NEBL: variants seen among roughly 807,000 people sequenced by gnomAD.
The protein encoded by NEBL is LIM and SH3 protein 2.
A neutral mutation model predicts 140.2 loss-of-function variants in NEBL; 122 were observed. The ratio of observed to expected loss-of-function variants is 0.87; its 90% CI spans 0.75 to 1.01. NEBL has a LOEUF of 1.01. Ranked by LOEUF, NEBL falls within the 50% of genes least tolerant of loss-of-function variation. The probability of loss-of-function intolerance (pLI) is 0.00; values close to 1 mark genes in which losing one functional copy is unlikely to be tolerated. For missense variants in NEBL, 1,365 were observed against 1,231.3 expected (o/e 1.11, Z -1.62); for synonymous variants, 436 against 398.9 (o/e 1.09, Z -1.11).
Position 20,996,910 on chromosome 10 carries a change from G to A in NEBL, c.249+23207C>T, listed in dbSNP as rs1310968636. ...TAAACCCCAGAATACATTTGGAAACGTGTGTGCAATTGATCAATGCCTCGG... is the reference window on the plus strand; with the variant it reads ...TAAACCCCAGAATACATTTGGAAACATGTGTGCAATTGATCAATGCCTCGG... On this transcript the variant is annotated intron_variant, in intron 3 of 6. Coordinates refer to the NEBL transcript ENST00000417816. 5.3e-5 allele frequency among the ~76,000 whole-genome samples: 8 copies of A among 152,072 alleles called. 1 individual carries two copies.
chr10:21,168,692 C>T (rs568127273), intron 2 of NEBL, among the ~76,000 whole-genome samples: 18 of 152,056 alleles, frequency 1.2e-4, no homozygotes, highest in African/African-American at 2.2e-4. Flanking sequence ...GCATGCATGA[C>T]GTAGTTTCTA....
intron 3 of NEBL, among the ~76,000 whole-genome samples, chr10:21,209,414 T>C (rs1378259680): frequency 6.6e-6 from 1 of 152,202 alleles, no homozygotes; most frequent in Non-Finnish European, 1.5e-5. Flanking sequence ...TTGCTAAATC[T>C]GGAAAGTCTA....
At chr10:21,226,515 T>C (rs1295256364) in intron 3 of NEBL, among the ~76,000 whole-genome samples, 1 of 152,212 alleles carries the variant, frequency 6.6e-6, no homozygotes, top group African/African-American at 2.4e-5. Context: ...CAGAGCACTT[T>C]AGCCCATGGT....
chr10:21,043,287 C>A (rs770355570), intron 2 of NEBL, among the ~76,000 whole-genome samples: 1 of 152,212 alleles, frequency 6.6e-6, no homozygotes, highest in East Asian at 1.9e-4. Flanking sequence ...CAACACCAAC[C>A]AGTTGTCATC....
chr10:21,127,253 T>A (rs1341154852), intron 2 of NEBL, among the ~76,000 whole-genome samples: 1 of 152,112 alleles, frequency 6.6e-6, no homozygotes, highest in African/African-American at 2.4e-5. Context: ...CTTTTCAAAC[T>A]ATATTTCAAG....
chr10:21,268,589 T>A (rs1304766939), intron 1 of NEBL, among the ~76,000 whole-genome samples: 1 of 151,290 alleles, frequency 6.6e-6, no homozygotes, highest in Non-Finnish European at 1.5e-5. Context: ...AGTGGTGTGA[T>A]CTCGGCTCAC....
intron 2 of NEBL, among the ~76,000 whole-genome samples, chr10:21,031,105 G>T (rs955456716): frequency 5.3e-5 from 8 of 152,226 alleles, no homozygotes; most frequent in Admixed American, 1.3e-4. Flanking sequence ...GTGGATGTCT[G>T]TCCCATCTGA....
intron 2 of NEBL, among the ~76,000 whole-genome samples, chr10:21,056,382 G>A (rs932399303): frequency 9.4e-5 from 14 of 149,076 alleles, no homozygotes; most frequent in Non-Finnish European, 1.6e-4. Context: ...CTAAATTTGC[G>A]CAAAGTTCCC....
At position 20,786,155 on chromosome 10, in the gene NEBL, G is replaced by C. The variant is rs2765844; in HGVS notation, c.2869-232C>G. ...ATAGAAAAGTCACTAAATACGACAGGTAGCCCATCAAAAAGTAGGCTTTGA... is the reference window on the plus strand; with the variant it reads ...ATAGAAAAGTCACTAAATACGACAGCTAGCCCATCAAAAAGTAGGCTTTGA... On this transcript the variant is annotated intron_variant, in intron 27 of 27. Transcript: ENST00000377122. 0.98 allele frequency among the ~76,000 whole-genome samples: 150,021 copies of C among 152,312 alleles called. 73,984 individuals are homozygous for C. The highest frequency in any genetic ancestry group is 1 in the Middle Eastern group (294 of 294).
At chr10:20,903,897 C>A (rs548460207) in intron 4 of NEBL, among the ~76,000 whole-genome samples, 1 of 150,984 alleles carries the variant, frequency 6.6e-6, no homozygotes, top group South Asian at 2.1e-4. Flanking sequence ...TTAAAATCTA[C>A]GGATTGGGAA....
intron 3 of NEBL, among the ~76,000 whole-genome samples, chr10:20,964,610 C>T (rs1836207101): frequency 6.6e-6 from 1 of 152,144 alleles, no homozygotes; most frequent in South Asian, 2.1e-4. Flanking sequence ...AAACACCTCC[C>T]ATTAGTGCAT....
At chr10:20,896,483 C>CATATATATAGATAT (rs1847490910) in intron 2 of NEBL, among the ~76,000 whole-genome samples, 1 of 88,080 alleles carries the variant, frequency 1.1e-5, no homozygotes, top group Non-Finnish European at 2.3e-5. Flanking sequence ...ATATTATATG[C>CATATATATAGATAT]ATATATATAT....
intron 2 of NEBL, among the ~76,000 whole-genome samples, chr10:20,891,096 AT>A (rs1846990672): frequency 6.6e-6 from 1 of 152,076 alleles, no homozygotes; most frequent in Non-Finnish European, 1.5e-5. Context: ...GTACATGGAG[AT>A]TTTCCCATAT....
intron 1 of NEBL, among the ~76,000 whole-genome samples, chr10:21,266,008 T>C (rs1366741189): frequency 6.6e-6 from 1 of 152,184 alleles, no homozygotes; most frequent in African/African-American, 2.4e-5. Context: ...AAAAATTGCT[T>C]CTAGGAGCAT....
chr10:21,152,275 T>C (rs966767700), intron 2 of NEBL, among the ~76,000 whole-genome samples: 5 of 152,148 alleles, frequency 3.3e-5, no homozygotes, highest in African/African-American at 9.7e-5. Flanking sequence ...ACGAATCTCA[T>C]AGATTGGACC....
At chr10:21,268,598 A>T (rs1312000038) in intron 1 of NEBL, among the ~76,000 whole-genome samples, 1 of 148,598 alleles carries the variant, frequency 6.7e-6, no homozygotes, top group Non-Finnish European at 1.5e-5. Flanking sequence ...ATCTCGGCTC[A>T]CTGCAACCTC....
At chr10:21,187,479 T>C (rs2132213134) in intron 3 of NEBL, among the ~76,000 whole-genome samples, 1 of 151,522 alleles carries the variant, frequency 6.6e-6, no homozygotes, top group Non-Finnish European at 1.5e-5. Context: ...TTTTTGAATT[T>C]ATTATTATCA....
At chr10:21,207,554 A>G (rs1010825011) in intron 3 of NEBL, among the ~76,000 whole-genome samples, 1 of 151,736 alleles carries the variant, frequency 6.6e-6, no homozygotes, top group African/African-American at 2.4e-5. Context: ...TCTCCACCCT[A>G]CTTTGCCCTA....
chr10:21,094,223 C>T (rs527364696), intron 2 of NEBL, among the ~76,000 whole-genome samples: 1 of 152,086 alleles, frequency 6.6e-6, no homozygotes, highest in South Asian at 2.1e-4. Context: ...CAGGTGTAGG[C>T]CGGAGACGGT....
Sources: allele counts gnomAD v4.1 joint callset (sites outside exome capture counted in the v4.1 genomes callset), GRCh38; gene constraint gnomAD v4.1.1; transcripts MANE v1.5; gene names NCBI Gene and HGNC (gene_info 2026-07-23, HGNC 2026-07-21).